The following KAZN variants were observed in gnomAD, a reference collection of about 807,000 sequenced individuals.
KAZN encodes the protein kazrin.
In KAZN, 40 loss-of-function variants were observed where a neutral mutation model predicts 87.4. The observed-to-expected ratio is 0.46, with a 90% CI of 0.36 to 0.60. KAZN has a LOEUF of 0.60. Ranked by LOEUF, KAZN falls within the 20% of genes least tolerant of loss-of-function variation. The pLI, the probability that KAZN is intolerant of heterozygous loss-of-function variation, is 0.00. For synonymous variants in KAZN, 466 were observed against 458.3 expected (o/e 1.02, Z -0.22); for missense variants, 898 against 1,073.9 (o/e 0.84, Z 2.29).
chr1:14,250,716 T>G (rs1442363552), intron 2 of KAZN, among the ~76,000 whole-genome samples: 1 of 152,072 alleles, frequency 6.6e-6, no homozygotes, highest in Non-Finnish European at 1.5e-5. Flanking sequence ...ACTAAATATT[T>G]CCTGCTTTTT....
Position 14,769,889 on chromosome 1 carries a change from G to A in KAZN, c.226+170666G>A, listed in dbSNP as rs1644977105. 6.6e-6 allele frequency among the ~76,000 whole-genome samples: 1 copy of A among 152,314 alleles called. No homozygotes were observed. Among genetic ancestry groups the A allele is most frequent in the East Asian group, 1.9e-4 (1 of 5,176 alleles). ...ATTCTGGGTTTGGGACCGGGCTATA[G>A]GATCCTAAGTGTAGGAGTGTAACTC... On this transcript the variant is annotated intron_variant, in intron 1 of 14. Coordinates refer to ENST00000376030, the MANE Select transcript of KAZN (RefSeq NM_201628.3). The surrounding 1 kb of genome is among the most constrained non-coding windows in gnomAD (Gnocchi z 4.1).
intron 1 of KAZN, among the ~76,000 whole-genome samples, chr1:14,691,227 A>G (rs1470712208): frequency 6.6e-6 from 1 of 152,250 alleles, no homozygotes; most frequent in East Asian, 1.9e-4. Context: ...TGCATCTTAT[A>G]TTTAGGTGTC....
chr1:14,994,243 C>T (rs540429079), intron 2 of KAZN, among the ~76,000 whole-genome samples: 11 of 152,232 alleles, frequency 7.2e-5, no homozygotes, highest in Non-Finnish European at 1.2e-4. Flanking sequence ...AGCTCTGGCA[C>T]CTCCGGGCAC....
intron 1 of KAZN, among the ~76,000 whole-genome samples, chr1:14,166,947 T>C (rs1645840975): frequency 6.6e-6 from 1 of 152,216 alleles, no homozygotes; most frequent in Admixed American, 6.5e-5. Context: ...AAGAATAAGT[T>C]GCAAATATCC....
intron 1 of KAZN, among the ~76,000 whole-genome samples, chr1:14,902,156 A>G (rs1484511890): frequency 1.3e-5 from 2 of 152,136 alleles, no homozygotes; most frequent in African/African-American, 2.4e-5. Context: ...CTGGGAGCAG[A>G]TGAGGATTTA....
intron 1 of KAZN, among the ~76,000 whole-genome samples, chr1:14,063,955 C>T (rs555595196): frequency 7.6e-4 from 115 of 152,062 alleles, no homozygotes; most frequent in Middle Eastern, 6.8e-3. Context: ...ACCTCTCTCT[C>T]GCCCAGGCTC....
At chr1:14,938,293 A>G (rs993222956) in intron 1 of KAZN, among the ~76,000 whole-genome samples, 8 of 152,154 alleles carry the variant, frequency 5.3e-5, no homozygotes, top group Admixed American at 5.2e-4. Flanking sequence ...TGTAATCCCA[A>G]CACTTTGGGA....
At chr1:14,220,471 T>C (rs1261262528) in intron 2 of KAZN, among the ~76,000 whole-genome samples, 1 of 152,182 alleles carries the variant, frequency 6.6e-6, no homozygotes, top group Non-Finnish European at 1.5e-5. Context: ...CGAGAGGACT[T>C]ACATGCTCTT....
At chr1:14,890,936 C>T (rs1213925314) in intron 1 of KAZN, among the ~76,000 whole-genome samples, 3 of 150,788 alleles carry the variant, frequency 2.0e-5, no homozygotes, top group Non-Finnish European at 4.4e-5. Flanking sequence ...CTCTGCCTCC[C>T]GGGTTCACGC....
chr1:14,695,076 T>C (rs1302227717), intron 1 of KAZN, among the ~76,000 whole-genome samples: 1 of 152,178 alleles, frequency 6.6e-6, no homozygotes, highest in Non-Finnish European at 1.5e-5. Context: ...ATCTCTGTCT[T>C]CTCTCAGCTT....
intron 1 of KAZN, among the ~76,000 whole-genome samples, chr1:14,074,187 A>T (rs77445477): frequency 8.6e-4 from 131 of 152,250 alleles, no homozygotes; most frequent in African/African-American, 3.1e-3. Flanking sequence ...CTACCTCACA[A>T]ATGCACCTGG....
At chr1:15,097,103 G>A (rs1465693421) in intron 10 of KAZN, among the ~76,000 whole-genome samples, 1 of 152,214 alleles carries the variant, frequency 6.6e-6, no homozygotes, top group Admixed American at 6.5e-5. Context: ...CTCTGGGACT[G>A]TTTCCCACCT....
intron 2 of KAZN, among the ~76,000 whole-genome samples, chr1:14,592,926 T>C: frequency 6.6e-6 from 1 of 152,212 alleles, no homozygotes; most frequent in East Asian, 1.9e-4. Context: ...GCAGAAACGA[T>C]GCTTCTGATA....
At chr1:14,102,565 C>T (rs1190014136) in intron 1 of KAZN, among the ~76,000 whole-genome samples, 1 of 152,230 alleles carries the variant, frequency 6.6e-6, no homozygotes, top group Non-Finnish European at 1.5e-5. Context: ...ATGGTGTTCA[C>T]TCATGCAGCC....
At chr1:14,740,895 G>A (rs1997763) in intron 1 of KAZN, among the ~76,000 whole-genome samples, 63,753 of 152,028 alleles carry the variant, frequency 0.42, 14,043 homozygotes, top group African/African-American at 0.54. Flanking sequence ...CAGTTTTATC[G>A]TTTCCTGGGG....
chr1:14,889,402 C>CTTT (rs1431561827), intron 1 of KAZN, among the ~76,000 whole-genome samples: 2 of 152,174 alleles, frequency 1.3e-5, no homozygotes, highest in Non-Finnish European at 2.9e-5. Context: ...AATGGATGCA[C>CTTT]TATAGCCATA....
intron 1 of KAZN, among the ~76,000 whole-genome samples, chr1:14,842,523 G>A (rs1045356617): frequency 3.9e-5 from 6 of 152,212 alleles, no homozygotes; most frequent in Admixed American, 2.0e-4. Flanking sequence ...TGAAGCCCTC[G>A]TTGTCCTACA....
intron 2 of KAZN, among the ~76,000 whole-genome samples, chr1:14,409,417 GACA>G (rs1417192884): frequency 6.6e-6 from 1 of 152,188 alleles, no homozygotes; most frequent in African/African-American, 2.4e-5. Context: ...TGCCCAGGAA[GACA>G]ACAAGAGCGC....
chr1:14,713,881 A>G (rs1350308792), intron 1 of KAZN, among the ~76,000 whole-genome samples: 1 of 151,674 alleles, frequency 6.6e-6, no homozygotes, highest in African/African-American at 2.4e-5. Context: ...GCTTGAGCCC[A>G]GGAGATGGAG....
Sources: gnomAD v4.1 joint callset for allele counts (sites outside exome capture counted in the v4.1 genomes callset) on GRCh38, gnomAD v4.1.1 for gene constraint, Gnocchi (gnomAD v3.1) non-coding constraint, MANE v1.5 for transcripts, NCBI Gene and HGNC (gene_info 2026-07-23, HGNC 2026-07-21) for gene names.